KCNN2: variants seen among roughly 807,000 people sequenced by gnomAD.
KCNN2 encodes small conductance calcium-activated potassium channel protein 2.
In KCNN2, 24 loss-of-function variants were observed where a neutral mutation model predicts 55.5. The observed-to-expected ratio is 0.43, with a 90% CI of 0.31 to 0.61. KCNN2 has a LOEUF of 0.61. Among genes scored for constraint, KCNN2 ranks in the 20% least tolerant of loss-of-function variants. The pLI is 0.08. For missense variants in KCNN2, 754 were observed against 853.6 expected, an observed-to-expected ratio of 0.88 and a Z score of 1.45; for synonymous variants, 431 against 336.1, an observed-to-expected ratio of 1.28 and a Z score of -3.09.
chr5:114,152,125 CA>C (rs535722792), intron 1 of KCNN2, among the ~76,000 whole-genome samples: 68 of 152,116 alleles, frequency 4.5e-4, no homozygotes, highest in African/African-American at 1.2e-3. Flanking sequence ...TTTGGCATAG[CA>C]ATAAAAATGT....
intron 1 of KCNN2, among the ~76,000 whole-genome samples, chr5:114,192,895 C>T (rs945805857): frequency 6.6e-6 from 1 of 152,016 alleles, no homozygotes; most frequent in African/African-American, 2.4e-5. Flanking sequence ...TGTCTCAATC[C>T]CCATTTCTTA....
chr5:114,226,092 A>C (rs1013743205), intron 2 of KCNN2, among the ~76,000 whole-genome samples: 1 of 149,116 alleles, frequency 6.7e-6, no homozygotes, highest in Non-Finnish European at 1.5e-5. Context: ...GGGAAATACC[A>C]GGTCGAAAGA....
At chr5:114,468,020 T>TGCCCAG (rs1316886128) in intron 4 of KCNN2, among the ~76,000 whole-genome samples, 10 of 152,190 alleles carry the variant, frequency 6.6e-5, no homozygotes, top group African/African-American at 1.9e-4. Context: ...AGGCTCGGGT[T>TGCCCAG]GCCCAGGCCC....
rs1023835100 is a variant in KCNN2 at position 114,322,318 on chromosome 5, G to A, written c.-184-38627G>A. ...ATGTCTAGTAAGTAGAGAAAGAAAG[G>A]CTTGTAATTGTTTGTAATGATCTTT... On this transcript the variant is annotated intron_variant, in intron 2 of 10. Coordinates refer to the KCNN2 transcript ENST00000512097. Among the ~76,000 whole-genome samples the A allele has an allele frequency of 3.3e-5, 5 of 152,188 alleles. 1 individual carries two copies. The South Asian group carries it at 8.3e-4, about 25-fold the overall frequency.
chr5:114,482,338 A>G (rs1399612861), intron 5 of KCNN2, among the ~76,000 whole-genome samples: 1 of 152,200 alleles, frequency 6.6e-6, no homozygotes, highest in Non-Finnish European at 1.5e-5. Flanking sequence ...ACCATCTCAC[A>G]CCCATCAGAA....
In KCNN2 at chr5:114,079,607, T is replaced by C. The variant is rs184700661; in HGVS notation, c.-271+23107T>C. On this transcript the variant is annotated intron_variant, in intron 1 of 10. Transcript: ENST00000512097. The stretch of plus-strand genomic sequence containing the variant: ...TAGGGTCATTCAGGAAGTGTTATTG[T>C]TCTTTTTTAATACAGTAGAACGTAG... Among the ~76,000 whole-genome samples the C allele has an allele frequency of 3.3e-5, 5 of 152,288 alleles. No individual in the cohort carries two copies. In the East Asian group the frequency reaches 9.7e-4, roughly 29 times the overall value.
At chr5:114,300,852 A>G (rs1262109712) in intron 2 of KCNN2, among the ~76,000 whole-genome samples, 1 of 152,178 alleles carries the variant, frequency 6.6e-6, no homozygotes, top group Non-Finnish European at 1.5e-5. Flanking sequence ...AGGTCAATGA[A>G]CTGTCCTGAA....
At chr5:114,236,427 A>C (rs1047400153) in intron 2 of KCNN2, among the ~76,000 whole-genome samples, 2 of 152,154 alleles carry the variant, frequency 1.3e-5, no homozygotes, top group African/African-American at 4.8e-5. Flanking sequence ...ATTGTGTTAC[A>C]ATTCTAGGTT....
chr5:114,292,151 C>T (rs1480228807), intron 2 of KCNN2, among the ~76,000 whole-genome samples: 2 of 152,206 alleles, frequency 1.3e-5, no homozygotes, highest in East Asian at 3.8e-4. Flanking sequence ...TGCCTGTTCA[C>T]TCTGATGGCA....
chr5:114,415,558 C>A (rs146463275), intron 3 of KCNN2, among the ~76,000 whole-genome samples: 1 of 151,946 alleles, frequency 6.6e-6, no homozygotes, highest in Non-Finnish European at 1.5e-5. Context: ...TCTTAATATA[C>A]GTTTATTTAT....
intron 2 of KCNN2, among the ~76,000 whole-genome samples, chr5:114,258,398 G>C (rs1005103768): frequency 1.3e-5 from 2 of 152,118 alleles, no homozygotes; most frequent in African/African-American, 2.4e-5. Flanking sequence ...CAATTTGGGG[G>C]AACGATTTTG....
intron 2 of KCNN2, among the ~76,000 whole-genome samples, chr5:114,400,576 G>T (rs1758757303): frequency 6.6e-6 from 1 of 152,082 alleles, no homozygotes; most frequent in Non-Finnish European, 1.5e-5. Context: ...GGATACCATG[G>T]GTCAACAAAG....
intron 1 of KCNN2, among the ~76,000 whole-genome samples, chr5:114,216,689 T>G (rs1754009894): frequency 6.6e-6 from 1 of 152,182 alleles, no homozygotes; most frequent in East Asian, 1.9e-4. Context: ...TACTCAAAAC[T>G]TCCCCACTAA....
intron 2 of KCNN2, among the ~76,000 whole-genome samples, chr5:114,387,398 G>C (rs547107780): frequency 7.2e-5 from 11 of 152,282 alleles, no homozygotes; most frequent in African/African-American, 2.4e-4. Context: ...GAAGTTTTTG[G>C]AATTAAACAC....
intron 1 of KCNN2, among the ~76,000 whole-genome samples, chr5:114,182,150 C>A (rs1270917541): frequency 2.0e-5 from 3 of 152,050 alleles, no homozygotes; most frequent in African/African-American, 7.2e-5. Context: ...GGATTCATTG[C>A]AGAAACTCAA....
chr5:114,406,548 T>C (rs1473089281), intron 3 of KCNN2, among the ~76,000 whole-genome samples: 3 of 152,048 alleles, frequency 2.0e-5, no homozygotes, highest in Non-Finnish European at 4.4e-5. Flanking sequence ...TTTTTTTTTT[T>C]CTGGAAGAAA....
chr5:114,280,534 C>A (rs922591688), intron 2 of KCNN2, among the ~76,000 whole-genome samples: 1 of 152,090 alleles, frequency 6.6e-6, no homozygotes, highest in African/African-American at 2.4e-5. Flanking sequence ...GCCAGTTTTC[C>A]CATCACCATT....
intron 2 of KCNN2, among the ~76,000 whole-genome samples, chr5:114,301,235 T>C (rs1756152539): frequency 6.6e-6 from 1 of 152,176 alleles, no homozygotes; most frequent in Non-Finnish European, 1.5e-5. Context: ...TGGACTTTTA[T>C]TTAATCTTTG....
At chr5:114,094,387 T>C (rs78795560) in intron 1 of KCNN2, among the ~76,000 whole-genome samples, 1,559 of 152,268 alleles carry the variant, frequency 0.01, 37 homozygotes, top group African/African-American at 0.036. Context: ...GCTTATACCA[T>C]TGCAGAATCT....
Sources: gnomAD v4.1 joint callset for allele counts (sites outside exome capture counted in the v4.1 genomes callset) on GRCh38, gnomAD v4.1.1 for gene constraint, MANE v1.5 for transcripts, NCBI Gene and HGNC (gene_info 2026-07-23, HGNC 2026-07-21) for gene names.